The following PRKAG2 variants were observed in gnomAD, a reference collection of about 807,000 sequenced individuals.
PRKAG2 encodes 5'-AMP-activated protein kinase subunit gamma-2.
A neutral mutation model predicts 69.6 loss-of-function variants in PRKAG2; 26 were observed. The ratio of observed to expected loss-of-function variants is 0.37; its 90% CI spans 0.27 to 0.52. The LOEUF (loss-of-function observed/expected upper bound fraction) is 0.52. Among genes scored for constraint, PRKAG2 ranks in the 20% least tolerant of loss-of-function variants. The pLI is 0.90. For missense variants in PRKAG2, 557 were observed against 740.0 expected (o/e 0.75, Z 2.87); for synonymous variants, 293 against 285.0 (o/e 1.03, Z -0.28).
At chr7:151,865,894 C>T (rs566666010) in intron 1 of PRKAG2, among the ~76,000 whole-genome samples, 4 of 152,050 alleles carry the variant, frequency 2.6e-5, no homozygotes, top group African/African-American at 9.6e-5. Flanking sequence ...GTGGCGGGCG[C>T]CCGTAGACCC....
At chr7:151,618,345 C>G (rs1342349385) in intron 5 of PRKAG2, among the ~76,000 whole-genome samples, 1 of 150,974 alleles carries the variant, frequency 6.6e-6, no homozygotes, top group African/African-American at 2.4e-5. Context: ...CCCAGCTACT[C>G]AGGAGCCTGA....
rs1412553150 is a variant in PRKAG2, at chr7:151,719,566, G to T, written c.467-43929C>A. ...AGGGGTCAGAAAGAAGATGCCCCCT[G>T]TCTTCTGCCTCCTACCCTCATCCTT... On this transcript the variant is annotated intron_variant, in intron 3 of 15. Transcript: ENST00000287878. The surrounding 1 kb of genome is among the most constrained non-coding windows in gnomAD (Gnocchi z 5.2). 2.0e-5 allele frequency among the ~76,000 whole-genome samples: 3 copies of T among 152,132 alleles called. No individual in the cohort carries two copies. The highest frequency in any genetic ancestry group is 2.9e-5 in the Non-Finnish European group (2 of 68,026).
chr7:151,734,287 C>T (rs1246266193), intron 3 of PRKAG2: 7 of 152,172 alleles, frequency 4.6e-5, no homozygotes, highest in African/African-American at 1.7e-4. Context: ...ATTTACAGTT[C>T]AGACATTTTG....
At chr7:151,569,203 A>C (rs1406151272) in intron 10 of PRKAG2, among the ~76,000 whole-genome samples, 1 of 151,980 alleles carries the variant, frequency 6.6e-6, no homozygotes, top group African/African-American at 2.4e-5. Context: ...GGCATGCGCC[A>C]CCTTTCTTTT....
intron 1 of PRKAG2, among the ~76,000 whole-genome samples, chr7:151,829,761 G>A (rs777148187): frequency 6.6e-6 from 1 of 151,956 alleles, no homozygotes; most frequent in South Asian, 2.1e-4. Context: ...CGTGAAAGAA[G>A]TCATAAAAGA....
intron 1 of PRKAG2, among the ~76,000 whole-genome samples, chr7:151,868,155 A>C (rs963175513): frequency 6.6e-6 from 1 of 152,238 alleles, no homozygotes; most frequent in East Asian, 1.9e-4. Flanking sequence ...GTGACCAGCC[A>C]TGGGTTGGCA....
chr7:151,710,139 C>T (rs908384887), intron 3 of PRKAG2, among the ~76,000 whole-genome samples: 12 of 152,118 alleles, frequency 7.9e-5, no homozygotes, highest in African/African-American at 2.4e-4. Context: ...CTTTGGGAGC[C>T]GCCTCTCCCC....
intron 3 of PRKAG2, among the ~76,000 whole-genome samples, chr7:151,682,391 C>T (rs1007535292): frequency 6.6e-6 from 1 of 151,970 alleles, no homozygotes; most frequent in African/African-American, 2.4e-5. Context: ...CAGGCAAATA[C>T]CATTACACCA....
rs368963259 is a variant in PRKAG2, at chr7:151,557,158, C to T, written c.*43G>A. ...CATGAGGCAAAACGTGACCCAGAGA[C>T]TTTGTTCAAGTTCTCCTCCTAGGGC... On this transcript the variant is annotated 3_prime_UTR_variant, in exon 16 of 16. Coordinates refer to ENST00000287878, the MANE Select transcript of PRKAG2 (RefSeq NM_016203.4). The T allele has an allele frequency of 2.3e-4, 379 of 1,614,072 alleles. 1 individual carries two copies. The African/African-American group carries it at 4.4e-3, about 19-fold the overall frequency.
chr7:151,703,641 C>G (rs1363894930), intron 3 of PRKAG2, among the ~76,000 whole-genome samples: 1 of 152,058 alleles, frequency 6.6e-6, no homozygotes, highest in East Asian at 1.9e-4. Context: ...CACATGGCAG[C>G]CCCCTTCAAT....
Position 151,675,409 on chromosome 7 carries a change from C to T in PRKAG2, c.684+11G>A. On this transcript the variant is annotated intron_variant, in intron 4 of 15. Transcript: ENST00000287878. ...CCCGGCAGCCCCACCCACAGAAGGGCCCAGACTTACGGCTTTGGAGGGAGC... is the reference window on the plus strand; with the variant it reads ...CCCGGCAGCCCCACCCACAGAAGGGTCCAGACTTACGGCTTTGGAGGGAGC... 1 of 1,612,906 alleles carries T rather than the reference C, an allele frequency of 6.2e-7. No homozygotes were observed. Among genetic ancestry groups the T allele is most frequent in the Non-Finnish European group, 8.5e-7 (1 of 1,178,980 alleles).
rs908328296 is a variant in PRKAG2, at chr7:151,738,965, TC to T, written c.466+42186del. Among the ~76,000 whole-genome samples, 7 of 152,066 alleles carry T rather than the reference TC, an allele frequency of 4.6e-5. No individual in the cohort carries two copies. The East Asian group carries it at 7.7e-4, about 17-fold the overall frequency. On this transcript the variant is annotated intron_variant, in intron 3 of 15. Coordinates refer to ENST00000287878, the MANE Select transcript of PRKAG2 (RefSeq NM_016203.4). Reference sequence around the variant, plus strand: ...GGGCCAAGGGAAGTCTTCCATTCTATCCCCGTGAGATGAAACCCTGGAAGCT... The same window carrying T: ...GGGCCAAGGGAAGTCTTCCATTCTATCCCGTGAGATGAAACCCTGGAAGCT...
At chr7:151,864,908 C>A (rs944699787) in intron 1 of PRKAG2, among the ~76,000 whole-genome samples, 5 of 152,086 alleles carry the variant, frequency 3.3e-5, no homozygotes, top group African/African-American at 1.2e-4. Context: ...CCCTCTTTTT[C>A]AAAGTGTATA....
At chr7:151,593,995 A>C (rs1813833212) in intron 6 of PRKAG2, among the ~76,000 whole-genome samples, 1 of 152,226 alleles carries the variant, frequency 6.6e-6, no homozygotes, top group Non-Finnish European at 1.5e-5. Flanking sequence ...CTGAGGACGC[A>C]CGGCAGGTGT....
chr7:151,622,901 C>A (rs527792691), intron 5 of PRKAG2, among the ~76,000 whole-genome samples: 1 of 152,230 alleles, frequency 6.6e-6, no homozygotes, highest in South Asian at 2.1e-4. Context: ...ACATCCCAGG[C>A]CCTCTAATGC....
At chr7:151,775,395 A>G (rs1450799130) in intron 3 of PRKAG2, among the ~76,000 whole-genome samples, 1 of 152,216 alleles carries the variant, frequency 6.6e-6, no homozygotes, top group Non-Finnish European at 1.5e-5. Flanking sequence ...AAGATCCACG[A>G]ATTCTTGCTG....
chr7:151,795,791 ATT>A (rs2077472684), intron 1 of PRKAG2, among the ~76,000 whole-genome samples: 2 of 142,974 alleles, frequency 1.4e-5, no homozygotes, highest in African/African-American at 2.6e-5. Context: ...TGCCCAGTGG[ATT>A]CGGGACTTTC....
chr7:151,666,578 G>A (rs1007374102), intron 4 of PRKAG2, among the ~76,000 whole-genome samples: 4 of 152,188 alleles, frequency 2.6e-5, no homozygotes, highest in African/African-American at 9.7e-5. Flanking sequence ...GGACAATCCT[G>A]GTTCATGGTC....
intron 5 of PRKAG2, among the ~76,000 whole-genome samples, chr7:151,597,789 T>A (rs1481644019): frequency 6.8e-6 from 1 of 147,346 alleles, no homozygotes; most frequent in Admixed American, 6.9e-5. Flanking sequence ...AAACAAAAGA[T>A]GAGTGTTGCT....
Sources: allele counts gnomAD v4.1 joint callset (sites outside exome capture counted in the v4.1 genomes callset), GRCh38; gene constraint gnomAD v4.1.1; non-coding constraint Gnocchi (gnomAD v3.1); transcripts MANE v1.5; gene names NCBI Gene and HGNC (gene_info 2026-07-23, HGNC 2026-07-21).